The following PPP4R3A variants were observed in gnomAD, a reference collection of about 807,000 sequenced individuals.
PPP4R3A encodes the protein protein phosphatase 4 regulatory subunit 3A, also known as serine/threonine-protein phosphatase 4 regulatory subunit 3A.
A neutral mutation model predicts 91.7 loss-of-function variants in PPP4R3A; 15 were observed. The observed-to-expected ratio is 0.16, with a 90% confidence interval of 0.11 to 0.25. The LOEUF (loss-of-function observed/expected upper bound fraction) is 0.25, where lower values mean the gene tolerates loss of function less well. PPP4R3A is among the 10% of genes least tolerant of loss of function. The probability of loss-of-function intolerance (pLI) is 1.00; values close to 1 mark genes in which losing one functional copy is unlikely to be tolerated. For missense variants in PPP4R3A, 623 were observed against 998.4 expected, an observed-to-expected ratio of 0.62 and a Z score of 5.07; for synonymous variants, 377 against 348.7, an observed-to-expected ratio of 1.08 and a Z score of -0.91.
At position 91,481,614 on chromosome 14, in the gene PPP4R3A, TAA is replaced by T; in HGVS notation, c.875_876del (p.Phe292TyrfsTer5). The T allele has an allele frequency of 6.3e-7, 1 of 1,594,100 alleles. No homozygotes were observed. The highest frequency in any genetic ancestry group is 8.5e-7 in the Non-Finnish European group (1 of 1,173,554). The stretch of plus-strand genomic sequence containing the variant: ...ACAATCTCTACCTTATTGAAAAAGA[TAA>T]AAGAGTGAAGTGTTGATAACATGTT... ...EENMLSTLHS[F>X]IFFNKVEIVG... On this transcript the variant is annotated frameshift_variant, in exon 4 of 15. Coordinates refer to ENST00000554943, the MANE Select transcript of PPP4R3A (RefSeq NM_001366432.2). LOFTEE classifies it high-confidence loss of function.
intron 1 of PPP4R3A, among the ~76,000 whole-genome samples, chr14:91,506,898 GGCA>G (rs1256212181): frequency 6.6e-6 from 1 of 152,032 alleles, no homozygotes; most frequent in Non-Finnish European, 1.5e-5. Flanking sequence ...AATTTACAAG[GGCA>G]CATCAGTAAT....
At chr14:91,476,044 C>A (rs1479280642) in intron 6 of PPP4R3A, 78 bp from the exon 7 acceptor site, 2 of 1,379,536 alleles carry the variant, frequency 1.4e-6, no homozygotes, top group Non-Finnish European at 1.9e-6. Context: ...CCAAACCTAA[C>A]AAAACATATG....
At chr14:91,459,716 T>C (rs1339470545) in intron 14 of PPP4R3A, among the ~76,000 whole-genome samples, 4 of 151,612 alleles carry the variant, frequency 2.6e-5, no homozygotes, top group African/African-American at 9.7e-5. Flanking sequence ...ACATCTGTAA[T>C]CCCAGCTACT....
At chr14:91,462,286 T>C (rs185514683) in intron 12 of PPP4R3A, 47 bp from the exon 13 acceptor site, 8 of 1,462,170 alleles carry the variant, frequency 5.5e-6, no homozygotes, top group East Asian at 5.0e-5. Context: ...ATGGACTTAA[T>C]TGTACTGTTA....
intron 1 of PPP4R3A, among the ~76,000 whole-genome samples, chr14:91,494,967 A>G (rs1326451952): frequency 6.6e-6 from 1 of 152,172 alleles, no homozygotes; most frequent in Admixed American, 6.6e-5. Context: ...GGCTGTAGAG[A>G]AATGGGAAGC....
At chr14:91,499,373 G>A (rs1292224256) in intron 1 of PPP4R3A, among the ~76,000 whole-genome samples, 1 of 152,164 alleles carries the variant, frequency 6.6e-6, no homozygotes, top group Non-Finnish European at 1.5e-5. Flanking sequence ...ACAAGCTACT[G>A]TGTGAATAAG....
chr14:91,495,027 G>C (rs914307630), intron 1 of PPP4R3A, among the ~76,000 whole-genome samples: 1 of 152,102 alleles, frequency 6.6e-6, no homozygotes, highest in Admixed American at 6.5e-5. Flanking sequence ...TTTTGGAAAA[G>C]TTTGGCAGTT....
chr14:91,480,216 T>C (rs775900697), intron 4 of PPP4R3A, among the ~76,000 whole-genome samples: 1 of 152,214 alleles, frequency 6.6e-6, no homozygotes, highest in Non-Finnish European at 1.5e-5. Flanking sequence ...CCATGAATCT[T>C]ACATCATATT....
intron 14 of PPP4R3A, 105 bp from the exon 15 acceptor site, chr14:91,458,974 G>C: frequency 7.6e-7 from 1 of 1,318,866 alleles, no homozygotes; most frequent in East Asian, 2.5e-5. Context: ...CATAGTAACG[G>C]TGGTTATTTC....
rs199497430 is a variant in PPP4R3A at position 91,486,242 on chromosome 14, G to GT, written c.199-513dup. 2.0e-3 allele frequency among the ~76,000 whole-genome samples: 186 copies of GT among 94,024 alleles called. 1 individual carries two copies. Among genetic ancestry groups the GT allele is most frequent in the Middle Eastern group, 4.9e-3 (1 of 204 alleles). 61.7% of individuals were successfully genotyped at this position (94,024 alleles called of 152,430 possible). A position where few individuals can be genotyped will look rare whatever the true frequency, so the allele number is the denominator to read the frequency against. On this transcript the variant is annotated intron_variant, in intron 2 of 14. Coordinates refer to ENST00000554943, the MANE Select transcript of PPP4R3A (RefSeq NM_001366432.2). The stretch of plus-strand genomic sequence containing the variant: ...TACGTGAGCATTTACCTATACATAG[G>GT]TTTTTTTGTTTTTTTTTTTAAACTT...
intron 10 of PPP4R3A, chr14:91,466,419 G>A: frequency 1.0e-6 from 1 of 985,760 alleles, no homozygotes; most frequent in Non-Finnish European, 1.2e-6. Context: ...CACGGTTTCT[G>A]GGTGGGAAGG....
intron 7 of PPP4R3A, 30 bp from the exon 8 acceptor site, chr14:91,473,400 C>CA: frequency 6.3e-7 from 1 of 1,597,460 alleles, no homozygotes; most frequent in South Asian, 1.1e-5. Context: ...TACTCAGGAT[C>CA]ACTTATTATG....
chr14:91,459,794 C>T (rs1700779932), intron 14 of PPP4R3A, among the ~76,000 whole-genome samples: 1 of 150,332 alleles, frequency 6.7e-6, no homozygotes, highest in Non-Finnish European at 1.5e-5. Flanking sequence ...AAGATCACGC[C>T]ACTGCACTCC....
Position 91,461,512 on chromosome 14 carries a change from T to A in PPP4R3A, c.2260A>T (p.Thr754Ser). The A allele has an allele frequency of 6.2e-7, 1 of 1,614,196 alleles. No homozygotes were observed. The highest frequency in any genetic ancestry group is 8.5e-7 in the Non-Finnish European group (1 of 1,180,042). The part of the protein sequence containing the change: ...FKLSLSSGTK[T>S]NLTSQSSTTN... ...GTAGATGACTGGCTGGTGAGGTTAG[T>A]CTTCGTTCCACTGGACAGGGAAAGC... Residue 754 changes from threonine to serine, a missense_variant, in exon 14 of 15, where the codon ACT becomes TCT. Physicochemically the swap from Thr to Ser is moderately conservative, Grantham distance 58. Transcript: ENST00000554943.
intron 1 of PPP4R3A, among the ~76,000 whole-genome samples, chr14:91,495,560 CAT>C (rs1890505608): frequency 6.6e-6 from 1 of 151,820 alleles, no homozygotes; most frequent in Admixed American, 6.6e-5. Context: ...CTAATGGGCA[CAT>C]GATTTTTTTC....
At chr14:91,472,593 A>G (rs554680019) in intron 9 of PPP4R3A, among the ~76,000 whole-genome samples, 1 of 151,414 alleles carries the variant, frequency 6.6e-6, no homozygotes, top group Non-Finnish European at 1.5e-5. Flanking sequence ...CCTCCCCAGT[A>G]GCTGGGACCA....
chr14:91,494,270 A>G (rs1426213040), intron 1 of PPP4R3A, among the ~76,000 whole-genome samples: 2 of 152,196 alleles, frequency 1.3e-5, no homozygotes, highest in South Asian at 4.1e-4. Flanking sequence ...CTAAAAGTTA[A>G]AACTGCACAA....
chr14:91,505,851 T>C (rs1481279869), intron 1 of PPP4R3A, among the ~76,000 whole-genome samples: 1 of 152,188 alleles, frequency 6.6e-6, no homozygotes, highest in Non-Finnish European at 1.5e-5. Flanking sequence ...AATTATCCTA[T>C]GATGGAGAAT....
intron 3 of PPP4R3A, among the ~76,000 whole-genome samples, chr14:91,484,587 C>T (rs913736456): frequency 6.6e-6 from 1 of 152,126 alleles, no homozygotes; most frequent in Non-Finnish European, 1.5e-5. Context: ...GCCTATAGGG[C>T]TTGTGAAAAC....
Sources: gnomAD v4.1 joint callset for allele counts (sites outside exome capture counted in the v4.1 genomes callset) on GRCh38, gnomAD v4.1.1 for gene constraint, MANE v1.5 for transcripts, NCBI Gene and HGNC (gene_info 2026-07-23, HGNC 2026-07-21) for gene names.